The following EP400 variants were observed in gnomAD, a reference collection of about 807,000 sequenced individuals.
The protein encoded by EP400 is E1A-binding protein p400.
In EP400, 105 loss-of-function variants were observed where a neutral mutation model predicts 354.1. The observed-to-expected ratio is 0.30, with a 90% CI of 0.25 to 0.35. The LOEUF is 0.35. EP400 is among the 10% of genes least tolerant of loss of function. The probability of loss-of-function intolerance (pLI) is 1.00; values close to 1 mark genes in which losing one functional copy is unlikely to be tolerated. For synonymous variants in EP400, 1,646 were observed against 1,716.9 expected, an observed-to-expected ratio of 0.96 and a Z score of 1.02; for missense variants, 3,280 against 4,121.0, an observed-to-expected ratio of 0.80 and a Z score of 5.59.
At chr12:132,069,849 A>G (rs1896017961) in intron 51 of EP400, among the ~76,000 whole-genome samples, 1 of 152,164 alleles carries the variant, frequency 6.6e-6, no homozygotes, top group Non-Finnish European at 1.5e-5. Flanking sequence ...AGCTGTCGCC[A>G]GCTTTGCCTT....
rs777299510 is a variant in EP400 at position 132,066,873 on chromosome 12, G to C, written c.8653G>C (p.Val2885Leu). 6.2e-7 allele frequency: 1 copy of C among 1,613,866 alleles called. No individual in the cohort carries two copies. The highest frequency in any genetic ancestry group is 2.2e-5 in the East Asian group (1 of 44,842). ...VALAKPPVVS[V>L]PAAVVSSPGV... ...CTTGGCGAAGCCTCCGGTGGTGTCCGTCCCGGCAGCTGTGGTCTCCTCACC... is the reference window on the plus strand; with the variant it reads ...CTTGGCGAAGCCTCCGGTGGTGTCCCTCCCGGCAGCTGTGGTCTCCTCACC... Residue 2885 changes from valine to leucine, a missense_variant, in exon 49 of 53, where the codon GTC becomes CTC. By Grantham distance (32) the Val-to-Leu change is conservative. Coordinates refer to ENST00000389561, the MANE Select transcript of EP400 (RefSeq NM_015409.5).
chr12:132,016,826 G>A lies in EP400; in HGVS notation c.3924-709G>A, dbSNP rs541953393. ...CTGGTGTTCCTGTTTTAGGGTGTGC[G>A]CCACCATCGACCAAGTTGTTTGAGT... On this transcript the variant is annotated intron_variant, in intron 19 of 52. Transcript: ENST00000389561. Among the ~76,000 whole-genome samples the A allele has an allele frequency of 3.9e-5, 6 of 152,288 alleles. No individual in the cohort carries two copies. The East Asian group carries it at 9.6e-4, about 24-fold the overall frequency.
chr12:132,003,668 T>C (rs1364562777), intron 12 of EP400, among the ~76,000 whole-genome samples: 1 of 152,182 alleles, frequency 6.6e-6, no homozygotes, highest in African/African-American at 2.4e-5. Context: ...TATGCTGTAG[T>C]GGTGCATCCC....
Position 132,077,715 on chromosome 12 carries a change from T to C in EP400, c.*42T>C. 6.5e-7 allele frequency: 1 copy of C among 1,528,794 alleles called. No individual in the cohort carries two copies. Among genetic ancestry groups the C allele is most frequent in the Non-Finnish European group, 8.8e-7 (1 of 1,142,284 alleles). 94.7% of individuals were successfully genotyped at this position (1,528,794 alleles called of 1,614,324 possible). ...GCCTCTCATCTAAAGCAAAACTACC[T>C]TCCTCACAGAAAACGCTTTATTAGT... On this transcript the variant is annotated 3_prime_UTR_variant, in exon 53 of 53. Coordinates refer to ENST00000389561, the MANE Select transcript of EP400 (RefSeq NM_015409.5).
At chr12:131,950,615 C>T (rs1315467628) in intron 1 of EP400, among the ~76,000 whole-genome samples, 2 of 152,238 alleles carry the variant, frequency 1.3e-5, no homozygotes, top group African/African-American at 2.4e-5. Context: ...CGGCGTAGAC[C>T]TGCCCGGTCC....
intron 1 of EP400, among the ~76,000 whole-genome samples, chr12:131,954,946 C>T (rs1300394137): frequency 6.6e-6 from 1 of 152,090 alleles, no homozygotes; most frequent in Non-Finnish European, 1.5e-5. Context: ...TTGCTTGAAC[C>T]TGGAAGGCAG....
chr12:131,976,922 A>G lies in EP400; in HGVS notation c.1336-2772A>G, dbSNP rs1892496508. ...TGCTCTTTGTCCTCTTGTTCAAGCC[A>G]GTGAGATGCTATGTGTCTTTAGGTT... On this transcript the variant is annotated intron_variant, in intron 2 of 52. Transcript: ENST00000389561. Among the ~76,000 whole-genome samples the G allele has an allele frequency of 2.0e-5, 3 of 152,232 alleles. 1 individual carries two copies. In the South Asian group the frequency reaches 6.2e-4, roughly 32 times the overall value.
At chr12:132,011,469 C>T (rs185980892) in intron 15 of EP400, 29 bp from the exon 16 acceptor site, 18 of 1,610,992 alleles carry the variant, frequency 1.1e-5, no homozygotes, top group South Asian at 2.2e-5. Flanking sequence ...GATACTTTGA[C>T]GTGGAAAATT....
intron 47 of EP400, 150 bp downstream of exon 47, chr12:132,062,851 A>G: frequency 9.8e-7 from 1 of 1,020,268 alleles, no homozygotes. Context: ...GCTTCGTTTT[A>G]TTGGTCTAAA....
Position 132,079,530 on chromosome 12 carries a change from T to A in EP400, c.*1857T>A, listed in dbSNP as rs1415935504. The stretch of plus-strand genomic sequence containing the variant: ...TGTTTTAATTTGTGTGCCCTGTTCA[T>A]TTTTTTTGTCTTTCCCAAATCTTGG... On this transcript the variant is annotated 3_prime_UTR_variant, in exon 53 of 53. Transcript: ENST00000389561. The A allele has an allele frequency of 6.6e-6, 1 of 152,022 alleles. No homozygotes were observed. The highest frequency in any genetic ancestry group is 1.5e-5 in the Non-Finnish European group (1 of 67,998). 9.4% of individuals were successfully genotyped at this position (152,022 alleles called of 1,614,324 possible). A position where few individuals can be genotyped will look rare whatever the true frequency, so the allele number is the denominator to read the frequency against.
Position 132,070,268 on chromosome 12 carries a change from C to T in EP400, c.9021+627C>T, listed in dbSNP as rs532876722. Reference sequence around the variant, plus strand: ...TTTACCTTCTCAGCTAGTCTTACATCCTCTGGGAATTGGTTTTTGGGTCTG... The same window carrying T: ...TTTACCTTCTCAGCTAGTCTTACATTCTCTGGGAATTGGTTTTTGGGTCTG... On this transcript the variant is annotated intron_variant, in intron 51 of 52. Transcript: ENST00000389561. The surrounding 1 kb of genome is among the most constrained non-coding windows in gnomAD (Gnocchi z 4.1). Among the ~76,000 whole-genome samples the T allele has an allele frequency of 6.0e-4, 91 of 152,310 alleles. No homozygotes were observed. In the South Asian group the frequency reaches 0.019, roughly 31 times the overall value.
At chr12:131,995,975 G>C (rs944694302) in intron 12 of EP400, among the ~76,000 whole-genome samples, 6 of 152,224 alleles carry the variant, frequency 3.9e-5, no homozygotes, top group Non-Finnish European at 5.9e-5. Flanking sequence ...CGTTCATCCT[G>C]AGTGTGTGAG....
chr12:132,032,518 T>C (rs1019546347), intron 30 of EP400, among the ~76,000 whole-genome samples: 1 of 152,130 alleles, frequency 6.6e-6, no homozygotes, highest in African/African-American at 2.4e-5. Context: ...AAAAGTACGA[T>C]TTAGATTTTG....
intron 30 of EP400, among the ~76,000 whole-genome samples, chr12:132,036,657 T>A (rs1461834525): frequency 6.6e-6 from 1 of 152,240 alleles, no homozygotes; most frequent in Non-Finnish European, 1.5e-5. Context: ...CCATCCCCAC[T>A]TTTTTTAGTG....
At chr12:131,966,629 C>G (rs1035117682) in intron 2 of EP400, among the ~76,000 whole-genome samples, 1 of 147,252 alleles carries the variant, frequency 6.8e-6, no homozygotes. Context: ...TTAGGCCGGG[C>G]GTGGTAGCTC....
chr12:132,006,378 T>C lies in EP400; in HGVS notation c.3126+76T>C, dbSNP rs1441104118. On this transcript the variant is annotated intron_variant, in intron 14 of 52. Coordinates refer to ENST00000389561, the MANE Select transcript of EP400 (RefSeq NM_015409.5). ...CATAGCTTAGCCATGAGAAAAGCTT[T>C]TCCTCTTCCCAGTGAAATGGTCTAT... 4.7e-6 allele frequency: 7 copies of C among 1,502,910 alleles called. No individual in the cohort carries two copies. In the African/African-American group the frequency reaches 5.6e-5, roughly 12 times the overall value. The allele number at this position is 1,502,910 out of a possible 1,614,324, so 93.1% of individuals were successfully genotyped here. A position where few individuals can be genotyped will look rare whatever the true frequency, so the allele number is the denominator to read the frequency against.
chr12:132,042,478 A>G lies in EP400; in HGVS notation c.6208-826A>G, dbSNP rs572437212. On this transcript the variant is annotated intron_variant, in intron 32 of 52. Coordinates refer to ENST00000389561, the MANE Select transcript of EP400 (RefSeq NM_015409.5). ...TGAGGAGATTACTCTGCCCACCTGA[A>G]GGTCACCGGGCATCCTCCTCTATTT... Among the ~76,000 whole-genome samples the G allele has an allele frequency of 2.6e-5, 4 of 152,212 alleles. No individual in the cohort carries two copies. The East Asian group carries it at 7.7e-4, about 29-fold the overall frequency.
chr12:132,047,136 G>C (rs899058078), intron 39 of EP400, among the ~76,000 whole-genome samples: 1 of 152,168 alleles, frequency 6.6e-6, no homozygotes, highest in African/African-American at 2.4e-5. Context: ...TCAGTCATCT[G>C]TCTTTTCATT....
Position 131,986,806 on chromosome 12 carries a change from T to G in EP400, c.2222T>G (p.Leu741Arg), listed in dbSNP as rs1192582821. The change falls in exon 6 of 53, where the codon CTG (leucine) becomes CGG (arginine). Residue 741 changes from leucine (L) to arginine (R), a missense_variant and splice_region_variant. Coordinates refer to ENST00000389561, the MANE Select transcript of EP400 (RefSeq NM_015409.5). ...GATACGCTGACAGAACAAATAACTCTGGTAAGCATGCTTAAGAAAGTTGTA... is the reference window on the plus strand; with the variant it reads ...GATACGCTGACAGAACAAATAACTCGGGTAAGCATGCTTAAGAAAGTTGTA... ...SQDTLTEQIT[L>R]ENQVHQRIAE... The G allele has an allele frequency of 8.8e-6, 14 of 1,595,206 alleles. No homozygotes were observed. Among genetic ancestry groups the G allele is most frequent in the Middle Eastern group, 1.7e-4 (1 of 5,950 alleles).
Sources: allele counts gnomAD v4.1 joint callset (sites outside exome capture counted in the v4.1 genomes callset), GRCh38; gene constraint gnomAD v4.1.1; non-coding constraint Gnocchi (gnomAD v3.1); transcripts MANE v1.5; gene names NCBI Gene and HGNC (gene_info 2026-07-23, HGNC 2026-07-21).